The following WDR7 variants were observed in gnomAD, a reference collection of about 807,000 sequenced individuals.
The protein encoded by WDR7 is WD repeat domain 7.
In WDR7, 46 loss-of-function variants were observed where a neutral mutation model predicts 169.4. The ratio of observed to expected loss-of-function variants is 0.27; its 90% CI spans 0.21 to 0.35. The LOEUF (loss-of-function observed/expected upper bound fraction) is 0.35. WDR7 is among the 10% of genes least tolerant of loss of function. The pLI, the probability that WDR7 is intolerant of heterozygous loss-of-function variation, is 1.00. For synonymous variants in WDR7, 612 were observed against 666.8 expected, an observed-to-expected ratio of 0.92 and a Z score of 1.27; for missense variants, 1,534 against 1,859.3, an observed-to-expected ratio of 0.83 and a Z score of 3.22.
intron 14 of WDR7, among the ~76,000 whole-genome samples, chr18:56,737,927 T>G (rs932225749): frequency 1.3e-5 from 2 of 152,228 alleles, no homozygotes; most frequent in Non-Finnish European, 2.9e-5. Context: ...CTTTAATGAA[T>G]ATTTTAATAG....
At chr18:56,951,134 A>T (rs1356937765) in intron 25 of WDR7, among the ~76,000 whole-genome samples, 1 of 152,138 alleles carries the variant, frequency 6.6e-6, no homozygotes, top group African/African-American at 2.4e-5. Context: ...CTCCCTATGT[A>T]TAATAGCCTC....
chr18:56,804,633 C>T (rs2145172650), intron 19 of WDR7, among the ~76,000 whole-genome samples: 1 of 152,248 alleles, frequency 6.6e-6, no homozygotes, highest in Non-Finnish European at 1.5e-5. Context: ...ATGCATATCA[C>T]TGTGGTTGGT....
At chr18:56,680,634 A>G (rs761965304) in intron 3 of WDR7, among the ~76,000 whole-genome samples, 6 of 152,350 alleles carry the variant, frequency 3.9e-5, no homozygotes, top group African/African-American at 4.8e-5. Flanking sequence ...TATTTCTTCA[A>G]TAGACAAGGC....
rs924866645 is a variant in WDR7 at position 56,837,000 on chromosome 18, G to A, written c.3304+20856G>A. ...GATAAACATCTGTCACACAACAAAC[G>A]TGTAAACAATTTGTCCTTTGTCAAG... On this transcript the variant is annotated intron_variant, in intron 20 of 27. Coordinates refer to ENST00000254442, the MANE Select transcript of WDR7 (RefSeq NM_015285.3). Among the ~76,000 whole-genome samples, 43 of 152,232 alleles carry A rather than the reference G, an allele frequency of 2.8e-4. 1 individual carries two copies. The highest frequency in any genetic ancestry group is 9.4e-4 in the African/African-American group (39 of 41,538).
At chr18:56,883,039 T>C (rs2046132782) in intron 21 of WDR7, among the ~76,000 whole-genome samples, 1 of 151,774 alleles carries the variant, frequency 6.6e-6, no homozygotes, top group South Asian at 2.1e-4. Flanking sequence ...TGAAACCCCA[T>C]CTCTACTAAA....
intron 26 of WDR7, among the ~76,000 whole-genome samples, chr18:56,964,254 T>C (rs1435577879): frequency 6.6e-6 from 1 of 152,114 alleles, no homozygotes; most frequent in Admixed American, 6.6e-5. Flanking sequence ...CTTATCTTTT[T>C]CAATTAAAAT....
chr18:56,663,621 C>T (rs2024953512), intron 1 of WDR7, among the ~76,000 whole-genome samples: 1 of 119,926 alleles, frequency 8.3e-6, no homozygotes, highest in Admixed American at 8.7e-5. Context: ...AGCATATATA[C>T]ACCACATATA....
At chr18:56,804,312 A>C (rs2044728973) in intron 19 of WDR7, among the ~76,000 whole-genome samples, 1 of 152,240 alleles carries the variant, frequency 6.6e-6, no homozygotes, top group Non-Finnish European at 1.5e-5. Flanking sequence ...TTGAAATCCC[A>C]AAAGATTAGA....
intron 13 of WDR7, among the ~76,000 whole-genome samples, chr18:56,722,981 T>C (rs958950094): frequency 9.2e-5 from 14 of 152,308 alleles, no homozygotes; most frequent in African/African-American, 3.4e-4. Flanking sequence ...TTCATATTAA[T>C]GTCTTAATGA....
At position 56,681,233 on chromosome 18, in the gene WDR7, T is replaced by A. The variant is rs963523367; in HGVS notation, c.267-80T>A. ...GAAATATATTAGTTTTAATGGAAGA[T>A]TAATTTTAAATCACTGTGACAAAGT... On this transcript the variant is annotated intron_variant, in intron 3 of 27. Coordinates refer to ENST00000254442, the MANE Select transcript of WDR7 (RefSeq NM_015285.3). The A allele has an allele frequency of 1.0e-4, 101 of 969,024 alleles. No homozygotes were observed. In the African/African-American group the frequency reaches 1.6e-3, roughly 16 times the overall value. 60.0% of individuals were successfully genotyped at this position (969,024 alleles called of 1,614,324 possible). A position where few individuals can be genotyped will look rare whatever the true frequency, so the allele number is the denominator to read the frequency against.
At position 56,651,592 on chromosome 18, in the gene WDR7, A is replaced by T. The variant is rs951302714; in HGVS notation, c.-20+16A>T. 6.6e-6 allele frequency: 1 copy of T among 152,410 alleles called. No individual in the cohort carries two copies. Among genetic ancestry groups the T allele is most frequent in the Non-Finnish European group, 1.5e-5 (1 of 68,208 alleles). 9.4% of individuals were successfully genotyped at this position (152,410 alleles called of 1,614,324 possible). On this transcript the variant is annotated intron_variant, in intron 1 of 27. Transcript: ENST00000254442. ...GCTGTGACAGGTAAGGGGGCTTTCA[A>T]GCTTCTCCATGGGAAACCACAGGGC...
At chr18:56,734,452 C>A (rs767627784) in intron 14 of WDR7, among the ~76,000 whole-genome samples, 1 of 149,806 alleles carries the variant, frequency 6.7e-6, no homozygotes, top group Non-Finnish European at 1.5e-5. Context: ...TTGTGACAAT[C>A]AGATGTCTTT....
At chr18:56,692,506 CG>C (rs2025597785) in intron 9 of WDR7, among the ~76,000 whole-genome samples, 1 of 145,924 alleles carries the variant, frequency 6.9e-6, no homozygotes, top group Admixed American at 7.0e-5. Context: ...TTACGTCTCA[CG>C]TTTATGTGGC....
intron 19 of WDR7, among the ~76,000 whole-genome samples, chr18:56,800,708 C>T (rs140586763): frequency 0.014 from 2,114 of 152,326 alleles, 29 homozygotes; most frequent in East Asian, 0.035. Context: ...ATTATCCTGG[C>T]ATTGGCCATA....
intron 21 of WDR7, among the ~76,000 whole-genome samples, chr18:56,922,855 T>C (rs769297259): frequency 2.6e-5 from 4 of 152,324 alleles, no homozygotes; most frequent in South Asian, 2.1e-4. Flanking sequence ...TTATATACTT[T>C]TGTTGGTTGG....
intron 20 of WDR7, among the ~76,000 whole-genome samples, chr18:56,847,537 C>A (rs530395862): frequency 2.6e-5 from 4 of 152,088 alleles, no homozygotes; most frequent in Admixed American, 1.3e-4. Context: ...TAAAAGGGAG[C>A]CAAGTGCTAA....
chr18:56,809,067 A>G (rs1175352745), intron 19 of WDR7, among the ~76,000 whole-genome samples: 13 of 151,342 alleles, frequency 8.6e-5, no homozygotes, highest in Admixed American at 8.6e-4. Flanking sequence ...TTGCTGCCCC[A>G]CTCCATTCCC....
chr18:56,711,514 A>G (rs8086038), intron 12 of WDR7, among the ~76,000 whole-genome samples: 2,130 of 152,232 alleles, frequency 0.014, 41 homozygotes, highest in African/African-American at 0.047. Context: ...GAAGAATTAT[A>G]GAGTTCTAAT....
At chr18:56,687,363 A>G (rs2025463908) in intron 7 of WDR7, among the ~76,000 whole-genome samples, 1 of 152,222 alleles carries the variant, frequency 6.6e-6, no homozygotes, top group African/African-American at 2.4e-5. Flanking sequence ...AAGTCTTCTC[A>G]TATCACTTCA....
Sources: allele counts gnomAD v4.1 joint callset (sites outside exome capture counted in the v4.1 genomes callset), GRCh38; gene constraint gnomAD v4.1.1; transcripts MANE v1.5; gene names NCBI Gene and HGNC (gene_info 2026-07-23, HGNC 2026-07-21).